Variants in ARID4B observed in about 807,000 individuals in gnomAD.
ARID4B encodes the protein AT-rich interaction domain 4B, also known as AT-rich interactive domain-containing protein 4B.
A neutral mutation model predicts 147.5 loss-of-function variants in ARID4B; 26 were observed. The ratio of observed to expected loss-of-function variants is 0.18; its 90% CI spans 0.13 to 0.24. The LOEUF is 0.24. Among genes scored for constraint, ARID4B ranks in the 10% least tolerant of loss-of-function variants. The pLI is 1.00. For missense variants in ARID4B, 1,179 were observed against 1,511.5 expected (o/e 0.78, Z 3.65); for synonymous variants, 512 against 507.9 (o/e 1.01, Z -0.11).
chr1:235,192,511 TG>T (rs1266059866), intron 19 of ARID4B, among the ~76,000 whole-genome samples: 2 of 152,156 alleles, frequency 1.3e-5, no homozygotes, highest in Admixed American at 6.5e-5. Context: ...ATTAGTACAG[TG>T]GTGAGTAAAT....
At chr1:235,221,886 A>ATTTTT (rs768600040) in intron 13 of ARID4B, among the ~76,000 whole-genome samples, 580 of 53,602 alleles carry the variant, frequency 0.011, 44 homozygotes, top group East Asian at 0.033. Flanking sequence ...TCATTTGACT[A>ATTTTT]TTTTTTTTTT....
At chr1:235,273,364 TA>T (rs1268173801) in intron 2 of ARID4B, among the ~76,000 whole-genome samples, 1 of 152,100 alleles carries the variant, frequency 6.6e-6, no homozygotes, top group African/African-American at 2.4e-5. Context: ...TTCTTAAACT[TA>T]AAAAAAGTAA....
chr1:235,315,990 C>A (rs547417783), intron 2 of ARID4B, among the ~76,000 whole-genome samples: 1 of 151,172 alleles, frequency 6.6e-6, no homozygotes, highest in African/African-American at 2.4e-5. Flanking sequence ...GACCAGCCAA[C>A]GCAACATACC....
chr1:235,170,818 C>G (rs1421279417), intron 23 of ARID4B, among the ~76,000 whole-genome samples: 1 of 148,264 alleles, frequency 6.7e-6, no homozygotes, highest in Non-Finnish European at 1.5e-5. Context: ...GAGGCTGAGG[C>G]AGGAGAATCG....
At position 235,172,669 on chromosome 1, in the gene ARID4B, C is replaced by T; in HGVS notation, c.3760G>A (p.Val1254Ile). Reference protein sequence around the residue: ...RKHYLSLKSEVASIDRRRKRL... With the variant: ...RKHYLSLKSEIASIDRRRKRL... The stretch of plus-strand genomic sequence containing the variant: ...TTTCTCCTCCGATCAATGGAAGCTA[C>T]TTCAGATTTTAATGACAGATAATGT... The change falls in exon 23 of 24, where the codon GTA becomes ATA. Residue 1254 changes from valine to isoleucine, a missense_variant. Around this residue, in one of 10 missense-constraint regions of ARID4B, gnomAD observed 357 missense variants for 427.3 expected, o/e 0.84. Transcript: ENST00000264183. 6.2e-7 allele frequency: 1 copy of T among 1,607,872 alleles called. No individual in the cohort carries two copies. Among genetic ancestry groups the T allele is most frequent in the Non-Finnish European group, 8.5e-7 (1 of 1,177,332 alleles).
At chr1:235,171,085 T>G (rs561365032) in intron 23 of ARID4B, among the ~76,000 whole-genome samples, 11 of 152,298 alleles carry the variant, frequency 7.2e-5, no homozygotes, top group African/African-American at 2.6e-4. Context: ...ACTTATATAT[T>G]TCACTACACT....
chr1:235,263,772 G>C (rs1670429170), intron 2 of ARID4B, among the ~76,000 whole-genome samples: 1 of 151,744 alleles, frequency 6.6e-6, no homozygotes, highest in Non-Finnish European at 1.5e-5. Flanking sequence ...CGGATCACGA[G>C]GTCAGGAGAT....
At chr1:235,258,027 G>T (rs1230452338) in intron 3 of ARID4B, among the ~76,000 whole-genome samples, 1 of 152,006 alleles carries the variant, frequency 6.6e-6, no homozygotes, top group Non-Finnish European at 1.5e-5. Context: ...TTCCCATTTT[G>T]TTGATAAGAA....
rs934847795 is a variant in ARID4B, at chr1:235,288,033, G to A, written c.7-27281C>T. ...TAATAAAACATTAATGTGGCTGGGCGCAGTGGCTCATGCCTGTAATCCCAG... is the reference window on the plus strand; with the variant it reads ...TAATAAAACATTAATGTGGCTGGGCACAGTGGCTCATGCCTGTAATCCCAG... On this transcript the variant is annotated intron_variant, in intron 2 of 23. Coordinates refer to ENST00000264183, the MANE Select transcript of ARID4B (RefSeq NM_016374.6). Among the ~76,000 whole-genome samples the A allele has an allele frequency of 7.9e-5, 12 of 152,186 alleles. No homozygotes were observed. The East Asian group carries it at 9.6e-4, about 12-fold the overall frequency.
chr1:235,176,437 CAAAAAA>C (rs34808765), intron 21 of ARID4B, among the ~76,000 whole-genome samples: 32 of 22,532 alleles, frequency 1.4e-3, no homozygotes, highest in Admixed American at 2.9e-3. Flanking sequence ...ACAACATCAC[CAAAAAA>C]AAAAAAAAAA....
intron 20 of ARID4B, 25 bp downstream of exon 20, chr1:235,181,560 T>C (rs750284398): frequency 1.2e-6 from 2 of 1,600,232 alleles, no homozygotes; most frequent in Admixed American, 3.4e-5. Flanking sequence ...CTAAAATAAG[T>C]CAACATACAC....
At chr1:235,296,823 A>G (rs142135015) in intron 2 of ARID4B, among the ~76,000 whole-genome samples, 1,111 of 32,762 alleles carry the variant, frequency 0.034, 78 homozygotes, top group African/African-American at 0.07. Context: ...GGAAGGAAGG[A>G]AGGAAGGAAG....
At chr1:235,170,194 T>C (rs1663240741) in intron 23 of ARID4B, among the ~76,000 whole-genome samples, 1 of 152,154 alleles carries the variant, frequency 6.6e-6, no homozygotes, top group Non-Finnish European at 1.5e-5. Context: ...GGCTTACTTG[T>C]CTTTGGAAAG....
At chr1:235,245,717 T>C (rs548071399) in intron 7 of ARID4B, among the ~76,000 whole-genome samples, 31 of 152,280 alleles carry the variant, frequency 2.0e-4, no homozygotes, top group African/African-American at 7.2e-4. Context: ...TTCATGTCAG[T>C]ATATGATGTT....
chr1:235,222,101 G>A (rs1056983735), intron 13 of ARID4B, among the ~76,000 whole-genome samples: 1 of 151,512 alleles, frequency 6.6e-6, no homozygotes, highest in South Asian at 2.1e-4. Context: ...TTGTGGAGAT[G>A]GAGTCTCACC....
At chr1:235,198,124 T>C (rs1187962924) in intron 17 of ARID4B, among the ~76,000 whole-genome samples, 1 of 152,204 alleles carries the variant, frequency 6.6e-6, no homozygotes, top group African/African-American at 2.4e-5. Context: ...TGAGAGAAAC[T>C]GAAGTCAGTT....
At chr1:235,325,933 A>T (rs1427820296) in intron 2 of ARID4B, among the ~76,000 whole-genome samples, 1 of 152,228 alleles carries the variant, frequency 6.6e-6, no homozygotes, top group South Asian at 2.1e-4. Flanking sequence ...TCTGAGGACA[A>T]GTGAAATATT....
In ARID4B at chr1:235,167,730, A is replaced by G. The variant is rs1432673213; in HGVS notation, c.*795T>C. On this transcript the variant is annotated 3_prime_UTR_variant, in exon 24 of 24. Coordinates refer to ENST00000264183, the MANE Select transcript of ARID4B (RefSeq NM_016374.6). ...GTTATAATTCATTATGAATAAATAT[A>G]CACTTTGAACTGGCTAAGTACAATC... 1 of 197,456 alleles carries G rather than the reference A, an allele frequency of 5.1e-6. No individual in the cohort carries two copies. The highest frequency in any genetic ancestry group is 1.1e-5 in the Non-Finnish European group (1 of 95,058). 12.2% of individuals were successfully genotyped at this position (197,456 alleles called of 1,614,324 possible).
At chr1:235,224,333 T>C (rs1667689644) in intron 12 of ARID4B, among the ~76,000 whole-genome samples, 3 of 152,232 alleles carry the variant, frequency 2.0e-5, no homozygotes, top group Non-Finnish European at 2.9e-5. Context: ...TAGCAGCTTC[T>C]GGCAGATTAA....
Sources: allele counts gnomAD v4.1 joint callset (sites outside exome capture counted in the v4.1 genomes callset), GRCh38; gene constraint gnomAD v4.1.1; regional missense constraint gnomAD v4.1.1; transcripts MANE v1.5; gene names NCBI Gene and HGNC (gene_info 2026-07-23, HGNC 2026-07-21).